PDE3A: variants seen among roughly 807,000 people sequenced by gnomAD.
PDE3A encodes the protein cGMP-inhibited 3',5'-cyclic phosphodiesterase 3A.
PDE3A carries 43 observed loss-of-function variants against 98.3 expected under a neutral mutation model. The observed-to-expected ratio is 0.44, with a 90% CI of 0.34 to 0.56. The LOEUF (loss-of-function observed/expected upper bound fraction) is 0.56, where lower values mean the gene tolerates loss of function less well. Among genes scored for constraint, PDE3A ranks in the 20% least tolerant of loss-of-function variants. The probability of loss-of-function intolerance (pLI) is 0.01; values close to 1 mark genes in which losing one functional copy is unlikely to be tolerated. For missense variants in PDE3A, 1,427 were observed against 1,440.7 expected, an observed-to-expected ratio of 0.99 and a Z score of 0.15; for synonymous variants, 663 against 567.9, an observed-to-expected ratio of 1.17 and a Z score of -2.38.
At chr12:20,390,067 A>AGT (rs1943884870) in intron 1 of PDE3A, among the ~76,000 whole-genome samples, 1 of 151,984 alleles carries the variant, frequency 6.6e-6, no homozygotes, top group Non-Finnish European at 1.5e-5. Flanking sequence ...TCAGGTGTGG[A>AGT]GTGCATACTG....
intron 1 of PDE3A, among the ~76,000 whole-genome samples, chr12:20,382,653 G>A: frequency 6.6e-6 from 1 of 151,890 alleles, no homozygotes; most frequent in East Asian, 1.9e-4. Flanking sequence ...ACAGACCAAA[G>A]CTTGTAATAT....
intron 1 of PDE3A, among the ~76,000 whole-genome samples, chr12:20,397,000 G>C (rs1462625964): frequency 7.1e-6 from 1 of 141,730 alleles, no homozygotes; most frequent in Admixed American, 7.2e-5. Flanking sequence ...TCAAAGCTTA[G>C]GTTTTCTTAT....
chr12:20,451,730 G>T (rs951680803), intron 1 of PDE3A, among the ~76,000 whole-genome samples: 1 of 152,128 alleles, frequency 6.6e-6, no homozygotes, highest in Non-Finnish European at 1.5e-5. Context: ...ACAATACACG[G>T]CACCCCAGCA....
At chr12:20,579,630 C>G (rs1253323078) in intron 2 of PDE3A, among the ~76,000 whole-genome samples, 1 of 152,176 alleles carries the variant, frequency 6.6e-6, no homozygotes, top group Non-Finnish European at 1.5e-5. Flanking sequence ...TTTCCAGCCA[C>G]TAATGCCAGG....
At chr12:20,517,698 A>G (rs542166745) in intron 1 of PDE3A, among the ~76,000 whole-genome samples, 7 of 152,296 alleles carry the variant, frequency 4.6e-5, no homozygotes, top group East Asian at 1.9e-4. Flanking sequence ...CTTATTAATT[A>G]TCTTAAATAT....
intron 1 of PDE3A, among the ~76,000 whole-genome samples, chr12:20,470,287 T>C (rs1275506576): frequency 6.6e-6 from 1 of 152,096 alleles, no homozygotes; most frequent in Admixed American, 6.6e-5. Context: ...TGGAAAATAG[T>C]TTTTATTTTG....
intron 2 of PDE3A, among the ~76,000 whole-genome samples, chr12:20,581,774 G>C (rs1031040780): frequency 6.6e-6 from 1 of 151,536 alleles, no homozygotes; most frequent in African/African-American, 2.4e-5. Context: ...CACTACGCCC[G>C]GCTAATTTTT....
At chr12:20,652,598 C>A (rs548289092) in intron 14 of PDE3A, among the ~76,000 whole-genome samples, 8 of 152,158 alleles carry the variant, frequency 5.3e-5, no homozygotes, top group Admixed American at 3.3e-4. Flanking sequence ...TATCCTTCAC[C>A]CACTTTTTGA....
intron 1 of PDE3A, among the ~76,000 whole-genome samples, chr12:20,431,613 A>ACACACACACACG (rs1266600637): frequency 0.14 from 21,108 of 150,548 alleles, 1,545 homozygotes; most frequent in Non-Finnish European, 0.16. Flanking sequence ...ACACACACAC[A>ACACACACACACG]CACACACACG....
chr12:20,533,657 T>G (rs935356491), intron 1 of PDE3A, among the ~76,000 whole-genome samples: 3 of 151,712 alleles, frequency 2.0e-5, no homozygotes, highest in African/African-American at 7.3e-5. Flanking sequence ...ATTTTTCGTA[T>G]TTTTAGTAGA....
chr12:20,643,215 T>C (rs11045359), intron 10 of PDE3A, among the ~76,000 whole-genome samples: 34,548 of 152,008 alleles, frequency 0.23, 4,625 homozygotes, highest in East Asian at 0.56. Context: ...AAGGAAGAAG[T>C]ATGATGAGAA....
intron 4 of PDE3A, among the ~76,000 whole-genome samples, chr12:20,618,220 G>A (rs1017976761): frequency 2.0e-5 from 3 of 152,038 alleles, no homozygotes; most frequent in Non-Finnish European, 1.5e-5. Context: ...ATCCCTTTAA[G>A]GGAAAACTAT....
In PDE3A at chr12:20,449,829, T is replaced by C. The variant is rs184463620; in HGVS notation, c.960+79585T>C. 8 of 557,270 alleles carry C rather than the reference T, an allele frequency of 1.4e-5. 1 individual carries two copies. The Admixed American group carries it at 2.5e-4, about 17-fold the overall frequency. The allele number at this position is 557,270 out of a possible 1,614,324, so 34.5% of individuals were successfully genotyped here. A position where few individuals can be genotyped will look rare whatever the true frequency, so the allele number is the denominator to read the frequency against. On this transcript the variant is annotated intron_variant, in intron 1 of 15. Transcript: ENST00000359062. ...GTTGCTGGCTTCCAGTTTTCAGCAC[T>C]AATTTACTGGCAGAGAGACCTGCCC... is the stretch of plus-strand genomic sequence containing the variant.
chr12:20,637,938 TTAAA>T (rs1286493256), intron 9 of PDE3A, among the ~76,000 whole-genome samples: 1 of 152,262 alleles, frequency 6.6e-6, no homozygotes, highest in African/African-American at 2.4e-5. Context: ...ACACCCTTAA[TTAAA>T]TAAAGAGGAT....
Position 20,593,098 on chromosome 12 carries a change from T to C in PDE3A, c.1012-20345T>C, listed in dbSNP as rs569090951. On this transcript the variant is annotated intron_variant, in intron 2 of 15. Transcript: ENST00000359062. ...CAAAGTACTATGGAGACTTCGAGGC[T>C]GAAGTGATTAATTTGGTGTCAGTTT... Among the ~76,000 whole-genome samples, 63 of 152,328 alleles carry C rather than the reference T, an allele frequency of 4.1e-4. 1 individual carries two copies. In the Middle Eastern group the frequency reaches 0.024, roughly 58 times the overall value.
intron 2 of PDE3A, among the ~76,000 whole-genome samples, chr12:20,592,648 A>G (rs1371970115): frequency 6.6e-6 from 1 of 152,152 alleles, no homozygotes; most frequent in Non-Finnish European, 1.5e-5. Context: ...AGCATCAGGG[A>G]AATTAGTGCA....
At chr12:20,443,242 ATG>A (rs761064577) in intron 1 of PDE3A, among the ~76,000 whole-genome samples, 4 of 152,118 alleles carry the variant, frequency 2.6e-5, no homozygotes, top group Non-Finnish European at 1.5e-5. Context: ...TTTAAAATAA[ATG>A]TTTAGTGAGA....
chr12:20,556,404 G>A (rs867187790), intron 1 of PDE3A, among the ~76,000 whole-genome samples: 1 of 152,060 alleles, frequency 6.6e-6, no homozygotes. Flanking sequence ...TATCTAGGAT[G>A]TTCCTGACAG....
rs762948568 is a variant in PDE3A at position 20,688,324 on chromosome 12, G to A, written c.*8053G>A. 1.1e-4 allele frequency among the ~76,000 whole-genome samples: 16 copies of A among 151,686 alleles called. No individual in the cohort carries two copies. Among genetic ancestry groups the A allele is most frequent in the Admixed American group, 3.3e-4 (5 of 15,184 alleles). ...AAGTATTGTTAGGCGACTTAGTGGCGGAGAAATGTTTGTAAAAAGTAGAAT... is the reference window on the plus strand; with the variant it reads ...AAGTATTGTTAGGCGACTTAGTGGCAGAGAAATGTTTGTAAAAAGTAGAAT... On this transcript the variant is annotated 3_prime_UTR_variant, in exon 16 of 16. Coordinates refer to ENST00000359062, the MANE Select transcript of PDE3A (RefSeq NM_000921.5).
Sources: gnomAD v4.1 joint callset for allele counts (sites outside exome capture counted in the v4.1 genomes callset) on GRCh38, gnomAD v4.1.1 for gene constraint, MANE v1.5 for transcripts, NCBI Gene and HGNC (gene_info 2026-07-23, HGNC 2026-07-21) for gene names.